The following NEMF variants were observed in gnomAD, a reference collection of about 807,000 sequenced individuals.
NEMF encodes the protein ribosome quality control complex subunit NEMF.
In NEMF, 89 loss-of-function variants were observed where a neutral mutation model predicts 162.2. That is an observed-to-expected ratio of 0.55 (90% CI 0.46 to 0.65). NEMF has a LOEUF of 0.65. Ranked by LOEUF, NEMF falls within the 30% of genes least tolerant of loss-of-function variation. The probability of loss-of-function intolerance (pLI) is 0.00; values close to 1 mark genes in which losing one functional copy is unlikely to be tolerated. For missense variants in NEMF, 1,133 were observed against 1,261.9 expected (o/e 0.90, Z 1.55); for synonymous variants, 421 against 404.5 (o/e 1.04, Z -0.49).
At chr14:49,785,414 A>G in intron 29 of NEMF, 94 bp from the exon 30 acceptor site, 2 of 832,094 alleles carry the variant, frequency 2.4e-6, no homozygotes, top group Non-Finnish European at 4.1e-6. Flanking sequence ...CATATTTTTT[A>G]TCTTTTCCTG....
At chr14:49,842,445 T>C (rs998946821) in intron 4 of NEMF, among the ~76,000 whole-genome samples, 3 of 152,090 alleles carry the variant, frequency 2.0e-5, no homozygotes, top group African/African-American at 7.2e-5. Context: ...ATAATGAAAA[T>C]AAAGCTAACG....
intron 16 of NEMF, among the ~76,000 whole-genome samples, chr14:49,820,935 G>A (rs2139930404): frequency 6.6e-6 from 1 of 151,664 alleles, no homozygotes; most frequent in Admixed American, 6.6e-5. Flanking sequence ...CACCTGGGAA[G>A]TGAGGAGCGC....
At chr14:49,804,666 A>AT (rs945369154) in intron 19 of NEMF, among the ~76,000 whole-genome samples, 4 of 15,996 alleles carry the variant, frequency 2.5e-4, no homozygotes, top group African/African-American at 3.2e-4. Flanking sequence ...ATTCCATCTC[A>AT]TAAAAAAAAA....
chr14:49,800,275 G>C, intron 23 of NEMF, 145 bp downstream of exon 23: 1 of 722,264 alleles, frequency 1.4e-6, no homozygotes, highest in Non-Finnish European at 2.2e-6. Context: ...TTTCTTTGCA[G>C]AGAGACCCAA....
intron 25 of NEMF, among the ~76,000 whole-genome samples, chr14:49,799,087 T>C (rs1299439243): frequency 1.3e-5 from 2 of 150,762 alleles, no homozygotes; most frequent in Non-Finnish European, 3.0e-5. Context: ...CACACGCCTG[T>C]AGTCCCAGCT....
intron 1 of NEMF, among the ~76,000 whole-genome samples, chr14:49,852,128 G>A (rs1045091681): frequency 6.6e-6 from 1 of 151,958 alleles, no homozygotes; most frequent in African/African-American, 2.4e-5. Flanking sequence ...CAATTTTGGG[G>A]GAGAAATACA....
rs1043282087 is a variant in NEMF at position 49,807,537 on chromosome 14, T to C, written c.1745-1404A>G. Among the ~76,000 whole-genome samples, 3 of 144,222 alleles carry C rather than the reference T, an allele frequency of 2.1e-5. No individual in the cohort carries two copies. The East Asian group carries it at 6.1e-4, about 29-fold the overall frequency. The allele number at this position is 144,222 out of a possible 152,430, so 94.6% of individuals were successfully genotyped here. A position where few individuals can be genotyped will look rare whatever the true frequency, so the allele number is the denominator to read the frequency against. Reference sequence around the variant, plus strand: ...CCATCATCACCAACACGTGTTATTGTTTTCTCCAGCATCATCACCAGCACA... The same window carrying C: ...CCATCATCACCAACACGTGTTATTGCTTTCTCCAGCATCATCACCAGCACA... On this transcript the variant is annotated intron_variant, in intron 18 of 32. Transcript: ENST00000298310.
chr14:49,797,271 G>A (rs1890732827), intron 25 of NEMF: 1 of 151,510 alleles, frequency 6.6e-6, no homozygotes, highest in Non-Finnish European at 1.5e-5. Flanking sequence ...CCACCCTACA[G>A]TAGTTGTTCC....
In NEMF at chr14:49,782,884, C is replaced by T. The variant is rs148198716; in HGVS notation, c.*1752G>A. 1.3e-4 allele frequency: 214 copies of T among 1,613,534 alleles called. No individual in the cohort carries two copies. Among genetic ancestry groups the T allele is most frequent in the Middle Eastern group, 4.9e-4 (3 of 6,082 alleles). ...AAGAAATGTTAGCCAACTCATGGAA[C>T]TGCCTTCCAAAACACTTACTTCACA... is the stretch of plus-strand genomic sequence containing the variant. On this transcript the variant is annotated 3_prime_UTR_variant, in exon 33 of 33. Coordinates refer to ENST00000298310, the MANE Select transcript of NEMF (RefSeq NM_004713.6).
intron 28 of NEMF, chr14:49,787,266 T>G (rs1890220245): frequency 6.5e-6 from 1 of 154,554 alleles, no homozygotes; most frequent in Non-Finnish European, 1.4e-5. Context: ...CAGGCTGCTG[T>G]AACAAAATAC....
At chr14:49,847,649 G>A (rs1893569566) in intron 3 of NEMF, among the ~76,000 whole-genome samples, 1 of 151,472 alleles carries the variant, frequency 6.6e-6, no homozygotes, top group Non-Finnish European at 1.5e-5. Flanking sequence ...ATGAGCTTAT[G>A]GCTTATGGTA....
intron 3 of NEMF, among the ~76,000 whole-genome samples, chr14:49,847,706 C>CT (rs79188374): frequency 5.8e-5 from 8 of 138,054 alleles, no homozygotes; most frequent in African/African-American, 1.9e-4. Context: ...CCTACCAATT[C>CT]TTTTTTTTTT....
intron 18 of NEMF, among the ~76,000 whole-genome samples, chr14:49,811,458 T>C (rs145690265): frequency 7.1e-4 from 108 of 152,270 alleles, no homozygotes; most frequent in East Asian, 2.7e-3. Flanking sequence ...TAATGACCTA[T>C]ATAGAACCAC....
chr14:49,825,382 A>C (rs966980644), intron 16 of NEMF, among the ~76,000 whole-genome samples: 28 of 152,346 alleles, frequency 1.8e-4, no homozygotes, highest in African/African-American at 5.5e-4. Context: ...AAATATCAAA[A>C]GAATCAACTA....
intron 16 of NEMF, among the ~76,000 whole-genome samples, chr14:49,820,755 T>A (rs546756382): frequency 3.3e-5 from 5 of 152,128 alleles, no homozygotes; most frequent in African/African-American, 1.2e-4. Context: ...GTGCCTGCGA[T>A]TGCAGGTGCG....
chr14:49,786,083 T>C (rs910026243), intron 29 of NEMF: 9 of 152,662 alleles, frequency 5.9e-5, no homozygotes, highest in African/African-American at 2.2e-4. Flanking sequence ...GGGCAATGTC[T>C]AGAGATAGTT....
chr14:49,785,143 A>C lies in NEMF; in HGVS notation c.3030-8T>G. On this transcript the variant is annotated splice_region_variant and splice_polypyrimidine_tract_variant and intron_variant, in intron 30 of 32. Coordinates refer to ENST00000298310, the MANE Select transcript of NEMF (RefSeq NM_004713.6). ...GTAAGTTTCACTTTATATCTTTAAA[A>C]AGGAATTACATGTGTTACTAAATAG... 6.2e-7 allele frequency: 1 copy of C among 1,603,874 alleles called. No individual in the cohort carries two copies. The highest frequency in any genetic ancestry group is 2.2e-5 in the East Asian group (1 of 44,800).
chr14:49,806,756 G>C (rs1384411886), intron 18 of NEMF, among the ~76,000 whole-genome samples: 2 of 152,234 alleles, frequency 1.3e-5, no homozygotes, highest in East Asian at 1.9e-4. Context: ...AGATAATTTA[G>C]AGAAATCCAT....
In NEMF at chr14:49,806,007, A is replaced by G. The variant is rs367832894; in HGVS notation, c.1857+14T>C. The G allele has an allele frequency of 3.3e-5, 51 of 1,564,670 alleles. No homozygotes were observed. The East Asian group carries it at 4.5e-4, about 14-fold the overall frequency. On this transcript the variant is annotated intron_variant, in intron 19 of 32. Transcript: ENST00000298310. The stretch of plus-strand genomic sequence containing the variant: ...TCTTAGTAAATTAAGAAAAAGGACA[A>G]GAGCCCTTATTACCTGATGATGGTA...
Sources: gnomAD v4.1 joint callset for allele counts (sites outside exome capture counted in the v4.1 genomes callset) on GRCh38, gnomAD v4.1.1 for gene constraint, MANE v1.5 for transcripts, NCBI Gene and HGNC (gene_info 2026-07-23, HGNC 2026-07-21) for gene names.